The following SENP8 variants were observed in gnomAD, a reference collection of about 807,000 sequenced individuals.
SENP8 encodes SUMO peptidase family member, NEDD8 specific, also known as sentrin-specific protease 8.
SENP8 carries 10 observed loss-of-function variants against 14.4 expected under a neutral mutation model. The observed-to-expected ratio is 0.69, with a 90% CI of 0.43 to 1.18. The LOEUF is 1.18. Ranked by LOEUF, SENP8 falls within the 50% of genes most tolerant of loss-of-function variation. SENP8 has a pLI of 0.00. For missense variants in SENP8, 202 were observed against 249.4 expected (o/e 0.81, Z 1.28); for synonymous variants, 94 against 95.5 (o/e 0.98, Z 0.09).
At position 72,139,692 on chromosome 15, in the gene SENP8, G is replaced by A. The variant is rs774881179; in HGVS notation, c.69G>A (p.Pro23=). 14 of 1,614,024 alleles carry A rather than the reference G, an allele frequency of 8.7e-6. No homozygotes were observed. Among genetic ancestry groups the A allele is most frequent in the Admixed American group, 6.7e-5 (4 of 59,990 alleles). The part of the protein sequence containing the change: ...LRQSDVSLLD[P]PSWLNDHIIG... ...AATCAGATGTCTCACTATTGGATCC[G>A]CCAAGCTGGCTCAATGACCATATTA... Residue 23 remains proline, a synonymous_variant, in exon 2 of 2, where the codon CCG becomes CCA. Coordinates refer to ENST00000340912, the MANE Select transcript of SENP8 (RefSeq NM_145204.4).
At chr15:72,130,180 A>C (rs2081259789) in intron 1 of SENP8, among the ~76,000 whole-genome samples, 1 of 152,220 alleles carries the variant, frequency 6.6e-6, no homozygotes, top group South Asian at 2.1e-4. Flanking sequence ...AGAAGAGCGA[A>C]ATGCCATCTC....
intron 1 of SENP8, among the ~76,000 whole-genome samples, chr15:72,124,443 AG>A: frequency 6.6e-6 from 1 of 152,226 alleles, no homozygotes; most frequent in Non-Finnish European, 1.5e-5. Flanking sequence ...CCCAAAAAAA[AG>A]CCATGAACTT....
chr15:72,128,848 T>C, intron 1 of SENP8, among the ~76,000 whole-genome samples: 1 of 152,240 alleles, frequency 6.6e-6, no homozygotes, highest in East Asian at 1.9e-4. Context: ...AGGAAGGCAA[T>C]AGCATTTAGA....
rs915709237 is a variant in SENP8 at position 72,140,846 on chromosome 15, T to C, written c.*584T>C. ...GCACAGGCTTTTCCAGCTATCTATA[T>C]AATGTTTGCAAATATTTGATAAAGA... On this transcript the variant is annotated 3_prime_UTR_variant, in exon 2 of 2. Transcript: ENST00000340912. 1.2e-5 allele frequency: 2 copies of C among 167,248 alleles called. No homozygotes were observed. Among genetic ancestry groups the C allele is most frequent in the Non-Finnish European group, 2.9e-5 (2 of 68,234 alleles). 10.4% of individuals were successfully genotyped at this position (167,248 alleles called of 1,614,324 possible).
At chr15:72,117,834 T>G (rs1382805810), upstream of SENP8, 2 of 398,328 alleles carry the variant, frequency 5.0e-6, 1 homozygote, top group South Asian at 2.5e-4. Flanking sequence ...AGCCTCAGGG[T>G]CCGGGCGAGC....
At chr15:72,136,932 C>T (rs545950900) in intron 1 of SENP8, among the ~76,000 whole-genome samples, 5 of 152,308 alleles carry the variant, frequency 3.3e-5, no homozygotes, top group Admixed American at 3.3e-4. Context: ...ATTCTACACC[C>T]ATCAGACTTG....
chr15:72,132,009 T>A (rs1466704608), intron 1 of SENP8, among the ~76,000 whole-genome samples: 1 of 152,206 alleles, frequency 6.6e-6, no homozygotes, highest in Non-Finnish European at 1.5e-5. Context: ...TTTTAATTCG[T>A]GTAACAACCT....
intron 1 of SENP8, chr15:72,134,982 G>A: frequency 3.2e-6 from 1 of 312,024 alleles, no homozygotes; most frequent in South Asian, 2.9e-5. Context: ...ATCAGAAAAA[G>A]AAGGAAGCCA....
chr15:72,138,583 C>T (rs2081349349), intron 1 of SENP8, among the ~76,000 whole-genome samples: 2 of 151,370 alleles, frequency 1.3e-5, no homozygotes, highest in Admixed American at 1.3e-4. Context: ...CTCCTGACCT[C>T]AAGTGATCTG....
chr15:72,133,022 T>C (rs2081290026), intron 1 of SENP8, among the ~76,000 whole-genome samples: 1 of 152,058 alleles, frequency 6.6e-6, no homozygotes, highest in Non-Finnish European at 1.5e-5. Context: ...AATACAAAAA[T>C]TAGCCAGGCA....
intron 1 of SENP8, among the ~76,000 whole-genome samples, chr15:72,135,630 T>C (rs2140520073): frequency 6.6e-6 from 1 of 152,330 alleles, no homozygotes; most frequent in Non-Finnish European, 1.5e-5. Flanking sequence ...GCTAGTTGAG[T>C]TCTATTTGCA....
chr15:72,124,704 G>A (rs2081199687), intron 1 of SENP8, among the ~76,000 whole-genome samples: 1 of 152,092 alleles, frequency 6.6e-6, no homozygotes, highest in African/African-American at 2.4e-5. Flanking sequence ...CATTATAAGA[G>A]TGGGAACTGG....
At chr15:72,121,392 A>G (rs1244320258) in intron 1 of SENP8, among the ~76,000 whole-genome samples, 1 of 152,192 alleles carries the variant, frequency 6.6e-6, no homozygotes, top group Admixed American at 6.5e-5. Flanking sequence ...AAGAGAAGAT[A>G]GGAATGAAGA....
chr15:72,130,072 C>G (rs1251440849), intron 1 of SENP8, among the ~76,000 whole-genome samples: 2 of 152,228 alleles, frequency 1.3e-5, no homozygotes, highest in Middle Eastern at 3.4e-3. Context: ...CACCTCTAAT[C>G]CCAGCTACCT....
chr15:72,114,896 A>G (rs932682525), upstream of SENP8, among the ~76,000 whole-genome samples: 3 of 152,348 alleles, frequency 2.0e-5, no homozygotes, highest in East Asian at 3.9e-4. Context: ...TTGGCAAATC[A>G]TATTTTCAAA....
chr15:72,121,353 C>T (rs1156975237), intron 1 of SENP8, among the ~76,000 whole-genome samples: 2 of 152,086 alleles, frequency 1.3e-5, no homozygotes, highest in African/African-American at 4.8e-5. Context: ...GTTTGAAAAT[C>T]TAGAATAATG....
chr15:72,128,559 G>T (rs1050197193), intron 1 of SENP8, among the ~76,000 whole-genome samples: 1 of 152,170 alleles, frequency 6.6e-6, no homozygotes, highest in African/African-American at 2.4e-5. Context: ...ATTTCATGCT[G>T]ATTTTGCATT....
intron 1 of SENP8, among the ~76,000 whole-genome samples, chr15:72,122,415 A>T (rs1210867704): frequency 6.6e-6 from 1 of 152,106 alleles, no homozygotes; most frequent in Non-Finnish European, 1.5e-5. Flanking sequence ...GGCCCAGGCA[A>T]CCCATCTCCT....
chr15:72,122,973 C>G (rs568243420), intron 1 of SENP8, among the ~76,000 whole-genome samples: 1 of 152,056 alleles, frequency 6.6e-6, no homozygotes, highest in Non-Finnish European at 1.5e-5. Context: ...GCTTGCTTTC[C>G]CTGATGGCCA....
Sources: allele counts gnomAD v4.1 joint callset (sites outside exome capture counted in the v4.1 genomes callset), GRCh38; gene constraint gnomAD v4.1.1; transcripts MANE v1.5; gene names NCBI Gene and HGNC (gene_info 2026-07-23, HGNC 2026-07-21).